The following CTNND2 variants were observed in gnomAD, a reference collection of about 807,000 sequenced individuals.
CTNND2 encodes the protein catenin delta 2.
A neutral mutation model predicts 144.4 loss-of-function variants in CTNND2; 22 were observed. The ratio of observed to expected loss-of-function variants is 0.15; its 90% CI spans 0.11 to 0.22. The LOEUF is 0.22. CTNND2 is among the 10% of genes least tolerant of loss of function. The pLI is 1.00. For missense variants in CTNND2, 1,353 were observed against 1,618.8 expected (o/e 0.84, Z 2.82); for synonymous variants, 751 against 695.6 (o/e 1.08, Z -1.25).
At chr5:11,192,191 C>T (rs925817757) in intron 11 of CTNND2, among the ~76,000 whole-genome samples, 2 of 152,186 alleles carry the variant, frequency 1.3e-5, no homozygotes, top group African/African-American at 4.8e-5. Flanking sequence ...GAGGAATCTC[C>T]CTTCGAGTGG....
intron 1 of CTNND2, among the ~76,000 whole-genome samples, chr5:11,861,192 T>TA (rs764169854): frequency 2.8e-4 from 42 of 152,340 alleles, no homozygotes; most frequent in Non-Finnish European, 5.4e-4. Flanking sequence ...CAAAAAGTCT[T>TA]AGAGTCCCAT....
intron 3 of CTNND2, among the ~76,000 whole-genome samples, chr5:11,486,455 T>C (rs1768840422): frequency 6.6e-6 from 1 of 152,128 alleles, no homozygotes; most frequent in Admixed American, 6.5e-5. Context: ...TTTCAGAAAA[T>C]CAATTTGCCA....
At chr5:11,057,273 TC>T (rs1367228582) in intron 16 of CTNND2, among the ~76,000 whole-genome samples, 5 of 152,156 alleles carry the variant, frequency 3.3e-5, no homozygotes, top group African/African-American at 1.2e-4. Flanking sequence ...TTTGGCTGTG[TC>T]CCCACCCAAA....
chr5:11,863,527 A>T (rs983114554), intron 1 of CTNND2, among the ~76,000 whole-genome samples: 2 of 152,212 alleles, frequency 1.3e-5, no homozygotes, highest in East Asian at 3.9e-4. Context: ...GTGATTATAG[A>T]TGCTTGGATA....
intron 2 of CTNND2, among the ~76,000 whole-genome samples, chr5:11,672,308 C>T (rs931063260): frequency 2.6e-5 from 4 of 152,230 alleles, no homozygotes; most frequent in African/African-American, 9.6e-5. Context: ...AGCTCAAATG[C>T]TGTGCTGGGA....
At chr5:11,684,661 A>G (rs1784564480) in intron 2 of CTNND2, among the ~76,000 whole-genome samples, 1 of 152,134 alleles carries the variant, frequency 6.6e-6, no homozygotes, top group African/African-American at 2.4e-5. Context: ...AATTCCTAAC[A>G]TGAGTGTGAA....
At position 11,174,231 on chromosome 5, in the gene CTNND2, G is replaced by C. The variant is rs78976646; in HGVS notation, c.1976-14472C>G. Among the ~76,000 whole-genome samples, 1,105 of 152,300 alleles carry C rather than the reference G, an allele frequency of 7.3e-3. 9 individuals are homozygous for C. The highest frequency in any genetic ancestry group is 0.018 in the Admixed American group (282 of 15,304). ...ACTATCAAGAGGCAGCTGGGTGCAT[G>C]AGTTGAGTGCTGCACAAAGGTAGAA... On this transcript the variant is annotated intron_variant, in intron 11 of 21. Transcript: ENST00000304623.
chr5:11,227,984 G>C (rs534216924), intron 10 of CTNND2, among the ~76,000 whole-genome samples: 5 of 152,242 alleles, frequency 3.3e-5, no homozygotes, highest in Admixed American at 6.5e-5. Context: ...ACAAGGCTGG[G>C]ATGTAAGCTG....
At chr5:11,902,460 G>T (rs1005847297) in intron 1 of CTNND2, among the ~76,000 whole-genome samples, 1 of 152,134 alleles carries the variant, frequency 6.6e-6, no homozygotes, top group African/African-American at 2.4e-5. Context: ...CATTATGTAG[G>T]TGAATGACCA....
chr5:11,516,787 C>T (rs1452623941), intron 3 of CTNND2, among the ~76,000 whole-genome samples: 1 of 152,134 alleles, frequency 6.6e-6, no homozygotes, highest in East Asian at 1.9e-4. Flanking sequence ...ATCAAGATTT[C>T]AGGTGTTCTT....
At chr5:11,599,633 T>A (rs971441198) in intron 2 of CTNND2, among the ~76,000 whole-genome samples, 5 of 152,276 alleles carry the variant, frequency 3.3e-5, no homozygotes, top group African/African-American at 9.6e-5. Context: ...CCCAAACAAG[T>A]AGAACTTGTA....
chr5:11,029,792 T>C (rs1207437321), intron 16 of CTNND2, among the ~76,000 whole-genome samples: 2 of 152,244 alleles, frequency 1.3e-5, no homozygotes, highest in Non-Finnish European at 2.9e-5. Flanking sequence ...AAAGTAGCAT[T>C]ATAAACCATT....
intron 18 of CTNND2, among the ~76,000 whole-genome samples, chr5:11,011,111 C>T (rs1422713012): frequency 6.6e-6 from 1 of 152,240 alleles, no homozygotes; most frequent in South Asian, 2.1e-4. Context: ...AGGGATAATG[C>T]ATCTGGTTTC....
At chr5:11,099,160 C>A (rs539793894) in intron 14 of CTNND2, among the ~76,000 whole-genome samples, 4 of 152,284 alleles carry the variant, frequency 2.6e-5, no homozygotes, top group African/African-American at 9.6e-5. Context: ...TAGTTACCAA[C>A]AACAAATGCC....
chr5:11,563,260 C>A (rs1561561112), intron 3 of CTNND2, among the ~76,000 whole-genome samples: 1 of 152,094 alleles, frequency 6.6e-6, no homozygotes, highest in Non-Finnish European at 1.5e-5. Context: ...GGAACATGAA[C>A]TGAAAAGGTA....
Position 11,520,150 on chromosome 5 carries a change from A to G in CTNND2, c.287+44794T>C, listed in dbSNP as rs1284719019. Among the ~76,000 whole-genome samples the G allele has an allele frequency of 3.6e-4, 16 of 44,664 alleles. No individual in the cohort carries two copies. The East Asian group carries it at 5.4e-3, about 15-fold the overall frequency. 29.3% of individuals were successfully genotyped at this position (44,664 alleles called of 152,430 possible). ...CAACAAGAGTGAAACTCTGTCTTGG[A>G]AAAAAAAAAAAAAAAAGAAAGAAAA... On this transcript the variant is annotated intron_variant, in intron 3 of 21. Coordinates refer to ENST00000304623, the MANE Select transcript of CTNND2 (RefSeq NM_001332.4).
At chr5:11,750,074 G>T (rs770663609) in intron 1 of CTNND2, among the ~76,000 whole-genome samples, 5 of 151,856 alleles carry the variant, frequency 3.3e-5, no homozygotes, top group African/African-American at 1.2e-4. Context: ...GTACCTTTCT[G>T]GTCTTGGTAT....
intron 8 of CTNND2, among the ~76,000 whole-genome samples, chr5:11,351,928 T>A (rs1218209733): frequency 1.3e-5 from 2 of 152,144 alleles, no homozygotes; most frequent in East Asian, 3.9e-4. Flanking sequence ...GCCTACATAC[T>A]TGGAATTCAA....
At chr5:11,437,689 C>A (rs1203373462) in intron 3 of CTNND2, among the ~76,000 whole-genome samples, 2 of 152,106 alleles carry the variant, frequency 1.3e-5, no homozygotes, top group Non-Finnish European at 2.9e-5. Flanking sequence ...TTCTGAAATG[C>A]CTGGAGCAAA....
Sources: gnomAD v4.1 joint callset for allele counts (sites outside exome capture counted in the v4.1 genomes callset) on GRCh38, gnomAD v4.1.1 for gene constraint, MANE v1.5 for transcripts, NCBI Gene and HGNC (gene_info 2026-07-23, HGNC 2026-07-21) for gene names.